Variants in IBTK observed in about 807,000 individuals in gnomAD.
The protein encoded by IBTK is inhibitor of Bruton tyrosine kinase, also known as BTK-binding protein.
In IBTK, 83 loss-of-function variants were observed where a neutral mutation model predicts 154.9. The observed-to-expected ratio is 0.54, with a 90% CI of 0.45 to 0.64. The LOEUF is 0.64. IBTK is among the 30% of genes least tolerant of loss of function. The pLI is 0.00. For missense variants in IBTK, 1,332 were observed against 1,584.6 expected (o/e 0.84, Z 2.71); for synonymous variants, 515 against 536.1 (o/e 0.96, Z 0.54).
chr6:82,218,145 AAAACC>A lies in IBTK; in HGVS notation c.1249-13_1249-9del. 6.5e-7 allele frequency: 1 copy of A among 1,533,474 alleles called. No homozygotes were observed. Among genetic ancestry groups the A allele is most frequent in the Non-Finnish European group, 8.8e-7 (1 of 1,142,482 alleles). The allele number at this position is 1,533,474 out of a possible 1,614,324, so 95.0% of individuals were successfully genotyped here. A position where few individuals can be genotyped will look rare whatever the true frequency, so the allele number is the denominator to read the frequency against. On this transcript the variant is annotated splice_polypyrimidine_tract_variant and intron_variant, in intron 9 of 28. Transcript: ENST00000306270. Reference sequence around the variant, plus strand: ...TGATCTCCAGCAAAACACCTAAAACAAAACCAAATCACATTGAAATATAAAGCAAG... The same window carrying A: ...TGATCTCCAGCAAAACACCTAAAACAAAATCACATTGAAATATAAAGCAAG...
At position 82,173,132 on chromosome 6, in the gene IBTK, G is replaced by A. The variant is rs116651823; in HGVS notation, c.3797+235C>T. The A allele has an allele frequency of 7.9e-3, 2,549 of 323,558 alleles. 61 individuals are homozygous for A. The highest frequency in any genetic ancestry group is 0.05 in the African/African-American group (2,329 of 46,622). The allele number at this position is 323,558 out of a possible 1,614,324, so 20.0% of individuals were successfully genotyped here. On this transcript the variant is annotated intron_variant, in intron 27 of 28. Coordinates refer to ENST00000306270, the MANE Select transcript of IBTK (RefSeq NM_015525.4). ...TTCTCCTGTCCTAGCTTCATGAGTA[G>A]CTGGCATCACAGGCATGCGCCACCA...
chr6:82,217,041 G>A (rs1769900175), intron 10 of IBTK, among the ~76,000 whole-genome samples: 1 of 152,120 alleles, frequency 6.6e-6, no homozygotes, highest in Non-Finnish European at 1.5e-5. Flanking sequence ...CTAGGTTGTA[G>A]CAATGAATCT....
At chr6:82,212,906 G>GT in intron 12 of IBTK, 113 bp from the exon 13 acceptor site, 1 of 630,276 alleles carries the variant, frequency 1.6e-6, no homozygotes, top group Non-Finnish European at 2.8e-6. Flanking sequence ...TCCTAGAAAA[G>GT]TATCTCAACA....
chr6:82,180,013 G>GGCTAATTTGTTCACCATAGGCAGGA (rs1318506760), intron 26 of IBTK, among the ~76,000 whole-genome samples: 1 of 152,052 alleles, frequency 6.6e-6, no homozygotes, highest in Non-Finnish European at 1.5e-5. Context: ...TATAGGCAGG[G>GGCTAATTTGTTCACCATAGGCAGGA]GCTAATTTGT....
chr6:82,183,137 C>G (rs1052108289), intron 25 of IBTK, among the ~76,000 whole-genome samples: 2 of 152,152 alleles, frequency 1.3e-5, no homozygotes, highest in African/African-American at 4.8e-5. Context: ...GAGCCAGGTA[C>G]AGTGGCTCAT....
rs1455215414 is a variant in IBTK at position 82,247,703 on chromosome 6, G to A, written c.-499C>T. 9 of 398,538 alleles carry A rather than the reference G, an allele frequency of 2.3e-5. No individual in the cohort carries two copies. The highest frequency in any genetic ancestry group is 3.6e-5 in the East Asian group (1 of 28,068). 24.7% of individuals were successfully genotyped at this position (398,538 alleles called of 1,614,324 possible). ...CCAGACCCGGGTCAGTTCGGCAGGC[G>A]GCTGCAATACAGCCGCTACTACAGG... On this transcript the variant is annotated 5_prime_UTR_variant, in exon 1 of 29. Coordinates refer to ENST00000306270, the MANE Select transcript of IBTK (RefSeq NM_015525.4).
intron 25 of IBTK, chr6:82,189,040 A>G (rs1221401194): frequency 2.2e-6 from 1 of 449,466 alleles, no homozygotes; most frequent in Non-Finnish European, 4.4e-6. Context: ...AAAAAAAAAG[A>G]AGAAAAAGTA....
intron 9 of IBTK, among the ~76,000 whole-genome samples, chr6:82,218,519 AG>A (rs1769955501): frequency 6.6e-6 from 1 of 152,238 alleles, no homozygotes; most frequent in African/African-American, 2.4e-5. Context: ...AAGAAGAATG[AG>A]CCCCCTATGA....
chr6:82,241,414 T>C (rs569720009), intron 1 of IBTK, among the ~76,000 whole-genome samples: 6 of 152,330 alleles, frequency 3.9e-5, no homozygotes, highest in Admixed American at 2.6e-4. Context: ...CCAGGCACTG[T>C]GTTAATATTG....
chr6:82,177,667 G>A (rs1285400281), intron 26 of IBTK, among the ~76,000 whole-genome samples: 3 of 152,096 alleles, frequency 2.0e-5, no homozygotes, highest in African/African-American at 7.2e-5. Context: ...GCCTGCCTCG[G>A]CCTCCCAAAG....
chr6:82,186,474 T>G (rs1433666386), intron 25 of IBTK, among the ~76,000 whole-genome samples: 1 of 152,196 alleles, frequency 6.6e-6, no homozygotes, highest in African/African-American at 2.4e-5. Context: ...TTTTTTTTTG[T>G]AGATATTATG....
rs778085980 is a variant in IBTK, at chr6:82,223,430, A to C, written c.1124+10T>G. ...TTAAAATTACGTTTCTTTCACAGAAATACACATACTTAGAAGCCATCTTCT... is the reference window on the plus strand; with the variant it reads ...TTAAAATTACGTTTCTTTCACAGAACTACACATACTTAGAAGCCATCTTCT... On this transcript the variant is annotated intron_variant, in intron 8 of 28. Coordinates refer to ENST00000306270, the MANE Select transcript of IBTK (RefSeq NM_015525.4). 15 of 1,597,048 alleles carry C rather than the reference A, an allele frequency of 9.4e-6. No homozygotes were observed. The highest frequency in any genetic ancestry group is 1.2e-5 in the Non-Finnish European group (14 of 1,169,868).
At chr6:82,208,608 TGGTG>T (rs1769504196) in intron 16 of IBTK, among the ~76,000 whole-genome samples, 1 of 152,008 alleles carries the variant, frequency 6.6e-6, no homozygotes, top group Non-Finnish European at 1.5e-5. Flanking sequence ...CCAGGCATGG[TGGTG>T]CACAGCTGTA....
intron 5 of IBTK, among the ~76,000 whole-genome samples, chr6:82,226,714 C>T (rs540044932): frequency 1.3e-5 from 2 of 151,930 alleles, no homozygotes; most frequent in South Asian, 2.1e-4. Flanking sequence ...TCAAGCAATT[C>T]TCCTGCCTCA....
chr6:82,242,856 G>A (rs1771004666), intron 1 of IBTK, among the ~76,000 whole-genome samples: 1 of 151,930 alleles, frequency 6.6e-6, no homozygotes, highest in Non-Finnish European at 1.5e-5. Context: ...AGAAATGCTT[G>A]AACCCAGGAG....
At position 82,200,299 on chromosome 6, in the gene IBTK, T is replaced by C. The variant is rs373942036; in HGVS notation, c.2913-46A>G. The stretch of plus-strand genomic sequence containing the variant: ...TTTCAGCAGTGTTTAGGGAGGTAAC[T>C]AAGATAAATGCACTTATTTAACCCA... On this transcript the variant is annotated intron_variant, in intron 20 of 28. Coordinates refer to ENST00000306270, the MANE Select transcript of IBTK (RefSeq NM_015525.4). 1.1e-3 allele frequency: 1,484 copies of C among 1,309,810 alleles called. 6 individuals carry two copies. The highest frequency in any genetic ancestry group is 4.6e-3 in the South Asian group (379 of 81,942). 81.1% of individuals were successfully genotyped at this position (1,309,810 alleles called of 1,614,324 possible).
chr6:82,220,822 A>T (rs575712020), intron 8 of IBTK, 109 bp from the exon 9 acceptor site: 1 of 896,106 alleles, frequency 1.1e-6, no homozygotes, highest in Non-Finnish European at 1.6e-6. Flanking sequence ...ATTATTGTGA[A>T]GGTGAAGTAA....
chr6:82,219,329 C>A (rs557079116), intron 9 of IBTK, among the ~76,000 whole-genome samples: 1 of 152,158 alleles, frequency 6.6e-6, no homozygotes, highest in South Asian at 2.1e-4. Flanking sequence ...TCCATCCCTA[C>A]AATATATGCC....
chr6:82,193,542 TTAAAC>T (rs1032308826), intron 23 of IBTK, among the ~76,000 whole-genome samples: 1 of 152,320 alleles, frequency 6.6e-6, no homozygotes, highest in Non-Finnish European at 1.5e-5. Flanking sequence ...TTCAAAAGAA[TTAAAC>T]AGTCCAGATG....
Sources: allele counts gnomAD v4.1 joint callset (sites outside exome capture counted in the v4.1 genomes callset), GRCh38; gene constraint gnomAD v4.1.1; transcripts MANE v1.5; gene names NCBI Gene and HGNC (gene_info 2026-07-23, HGNC 2026-07-21).